Variants in ENOSF1 observed in about 807,000 individuals in gnomAD.
ENOSF1 encodes the protein mitochondrial enolase superfamily member 1.
Under a neutral mutation model 68.2 loss-of-function variants are expected in ENOSF1, and 73 were observed. The ratio of observed to expected loss-of-function variants is 1.07; its 90% CI spans 0.89 to 1.30. The LOEUF (loss-of-function observed/expected upper bound fraction) is 1.30, where lower values mean the gene tolerates loss of function less well. Ranked by LOEUF, ENOSF1 falls within the 50% of genes most tolerant of loss-of-function variation. ENOSF1 has a pLI of 0.00. For synonymous variants in ENOSF1, 223 were observed against 210.4 expected (o/e 1.06, Z -0.52); for missense variants, 589 against 554.5 (o/e 1.06, Z -0.62).
rs1415152856 is a variant in ENOSF1 at position 672,713 on chromosome 18, T to G, written c.*1592A>C. On this transcript the variant is annotated 3_prime_UTR_variant, in exon 16 of 16. Coordinates refer to ENST00000647584, the MANE Select transcript of ENOSF1 (RefSeq NM_017512.7). The stretch of plus-strand genomic sequence containing the variant: ...CTGGTTGCGCTCCAATCATGTTACA[T>G]AACCTACGGCAAGGTATCGACAGGA... The G allele has an allele frequency of 1.2e-6, 1 of 840,624 alleles. No homozygotes were observed. The highest frequency in any genetic ancestry group is 1.7e-5 in the African/African-American group (1 of 59,624). 52.1% of individuals were successfully genotyped at this position (840,624 alleles called of 1,614,324 possible). A position where few individuals can be genotyped will look rare whatever the true frequency, so the allele number is the denominator to read the frequency against.
intron 11 of ENOSF1, among the ~76,000 whole-genome samples, chr18:681,467 T>C (rs1420077717): frequency 6.6e-6 from 1 of 152,158 alleles, no homozygotes; most frequent in East Asian, 1.9e-4. Flanking sequence ...CCAGCTGGCA[T>C]TCAGCAGGGC....
rs776122621 is a variant in ENOSF1, at chr18:691,238, G to C, written c.462C>G (p.Tyr154Ter). 3 of 1,614,212 alleles carry C rather than the reference G, an allele frequency of 1.9e-6. No homozygotes were observed. The Admixed American group carries it at 5.0e-5, about 27-fold the overall frequency. ...RMLVSCIDFR[Y>*]ITDVLTEEDA... ...CCTCCTCAGTCAGGACATCAGTGAT[G>C]TACCTGAAATCTATGCAGGATACCA... is the stretch of plus-strand genomic sequence containing the variant. Residue 154 changes from tyrosine (Y) to a stop codon, truncating the protein, a stop_gained, in exon 6 of 16, where the codon TAC (tyrosine) becomes TAG (stop). Transcript: ENST00000647584. LOFTEE classifies it high-confidence loss of function.
chr18:676,969 G>A (rs570232264), intron 14 of ENOSF1, among the ~76,000 whole-genome samples: 1 of 152,370 alleles, frequency 6.6e-6, no homozygotes, highest in East Asian at 1.9e-4. Context: ...CACCTGGGGC[G>A]TTCTGAGAAA....
intron 11 of ENOSF1, 156 bp downstream of exon 11, chr18:683,090 G>T: frequency 1.2e-6 from 1 of 866,052 alleles, no homozygotes; most frequent in Non-Finnish European, 1.8e-6. Flanking sequence ...TGTCAGGTCT[G>T]TAACCCCTGT....
At position 671,383 on chromosome 18, in the gene ENOSF1, G is replaced by A; in HGVS notation, c.*2922C>T. ...GCTTTCTCCCCCGGGTTTATAGCCA[G>A]GTGACTTTATACACACTTTGGGAGA... is the stretch of plus-strand genomic sequence containing the variant. On this transcript the variant is annotated 3_prime_UTR_variant, in exon 16 of 16. Transcript: ENST00000647584. The A allele has an allele frequency of 6.2e-7, 1 of 1,608,834 alleles. No homozygotes were observed. Among genetic ancestry groups the A allele is most frequent in the South Asian group, 1.1e-5 (1 of 90,910 alleles).
Position 675,335 on chromosome 18 carries a change from A to G in ENOSF1, c.1216T>C (p.Tyr406His). ...KYPVMIQRAS[Y>H]MPPKDPGYST... is the part of the protein sequence containing the mutation. ...CCACAGCTTACCTTGGGAGGCATGT[A>G]GGAAGCCCGCTGGATCATCACGGGA... is the stretch of plus-strand genomic sequence containing the variant. Residue 406 changes from tyrosine to histidine, a missense_variant, in exon 15 of 16, where the codon TAC (tyrosine) becomes CAC (histidine). Transcript: ENST00000647584. The G allele has an allele frequency of 6.2e-7, 1 of 1,611,908 alleles. No homozygotes were observed. Among genetic ancestry groups the G allele is most frequent in the Non-Finnish European group, 8.5e-7 (1 of 1,179,460 alleles).
At chr18:668,809 C>T (rs1057241277), downstream of ENOSF1, among the ~76,000 whole-genome samples, 2 of 151,998 alleles carry the variant, frequency 1.3e-5, no homozygotes, top group Non-Finnish European at 2.9e-5. Flanking sequence ...GAGGTGACTC[C>T]ATGACAGACC....
chr18:690,702 A>AAGCTGTTTGCCCTGGAGAGTCC (rs1829433295), intron 7 of ENOSF1, 71 bp from the exon 8 acceptor site: 3 of 1,579,840 alleles, frequency 1.9e-6, no homozygotes, highest in African/African-American at 2.7e-5. Context: ...GCCTGTAGCT[A>AAGCTGTTTGCCCTGGAGAGTCC]AGCTGTTTCC....
intron 5 of ENOSF1, chr18:693,077 AG>A: frequency 7.8e-7 from 1 of 1,287,692 alleles, no homozygotes; most frequent in Admixed American, 2.3e-5. Flanking sequence ...GCTGGTGAGC[AG>A]TGAAACCCGG....
At chr18:699,384 A>G (rs1424239552) in intron 2 of ENOSF1, among the ~76,000 whole-genome samples, 1 of 152,156 alleles carries the variant, frequency 6.6e-6, no homozygotes, top group African/African-American at 2.4e-5. Context: ...CACTTGAGGT[A>G]GGAGGATCAC....
At chr18:702,434 G>C (rs2078461027) in intron 2 of ENOSF1, among the ~76,000 whole-genome samples, 1 of 151,902 alleles carries the variant, frequency 6.6e-6, no homozygotes, top group Admixed American at 6.6e-5. Context: ...AATTAGCTGG[G>C]CATGGTGGCA....
chr18:693,541 A>C, intron 5 of ENOSF1: 7 of 985,302 alleles, frequency 7.1e-6, no homozygotes, highest in Non-Finnish European at 8.4e-6. Context: ...TTTCTCATTG[A>C]TCTTTAATTT....
rs2075032857 is a variant in ENOSF1, at chr18:671,228, C to T, written c.*3077G>A. On this transcript the variant is annotated 3_prime_UTR_variant, in exon 16 of 16. Transcript: ENST00000647584. ...TTCAATACCAGCCTGGGCAACATAACAAGATGCTGTTGCTACAAAAAAATG... is the reference window on the plus strand; with the variant it reads ...TTCAATACCAGCCTGGGCAACATAATAAGATGCTGTTGCTACAAAAAAATG... 1 of 655,838 alleles carries T rather than the reference C, an allele frequency of 1.5e-6. No homozygotes were observed. Among genetic ancestry groups the T allele is most frequent in the African/African-American group, 1.8e-5 (1 of 54,926 alleles). 40.6% of individuals were successfully genotyped at this position (655,838 alleles called of 1,614,324 possible). A position where few individuals can be genotyped will look rare whatever the true frequency, so the allele number is the denominator to read the frequency against.
At chr18:690,663 A>G (rs748014776) in intron 7 of ENOSF1, 32 bp from the exon 8 acceptor site, 1 of 1,584,166 alleles carries the variant, frequency 6.3e-7, no homozygotes, top group Admixed American at 1.7e-5. Flanking sequence ...AACATTTTGC[A>G]CTTTCCAGGG....
rs182327818 is a variant in ENOSF1 at position 703,446 on chromosome 18, G to A, written c.193+3024C>T. 1.1e-3 allele frequency among the ~76,000 whole-genome samples: 166 copies of A among 152,300 alleles called. 1 individual carries two copies. The highest frequency in any genetic ancestry group is 3.4e-3 in the Middle Eastern group (1 of 294). ...CTTTGGGGGCTGTGCTGTAGGGTTT[G>A]CAGTATGGAGAAAGGCAGCGGCTTC... On this transcript the variant is annotated intron_variant, in intron 2 of 15. Coordinates refer to ENST00000647584, the MANE Select transcript of ENOSF1 (RefSeq NM_017512.7).
intron 10 of ENOSF1, among the ~76,000 whole-genome samples, chr18:683,925 G>A (rs2076357647): frequency 6.6e-6 from 1 of 151,794 alleles, no homozygotes; most frequent in Non-Finnish European, 1.5e-5. Context: ...TATAATAACT[G>A]GCCAGGCATG....
intron 1 of ENOSF1, among the ~76,000 whole-genome samples, chr18:708,600 C>T (rs1023923626): frequency 6.6e-6 from 1 of 152,076 alleles, no homozygotes; most frequent in Non-Finnish European, 1.5e-5. Flanking sequence ...CTATGAACGA[C>T]TGGCAGAGAG....
intron 2 of ENOSF1, among the ~76,000 whole-genome samples, chr18:702,679 G>A (rs1445455948): frequency 6.6e-6 from 1 of 151,290 alleles, no homozygotes; most frequent in African/African-American, 2.4e-5. Flanking sequence ...GGTCAAGGCT[G>A]TATGAGCCGT....
At chr18:705,563 T>C (rs1163504907) in intron 2 of ENOSF1, among the ~76,000 whole-genome samples, 1 of 151,816 alleles carries the variant, frequency 6.6e-6, no homozygotes, top group Non-Finnish European at 1.5e-5. Flanking sequence ...TTTAAGAAAA[T>C]AGAAAATGCA....
Sources: gnomAD v4.1 joint callset for allele counts (sites outside exome capture counted in the v4.1 genomes callset) on GRCh38, gnomAD v4.1.1 for gene constraint, MANE v1.5 for transcripts, NCBI Gene and HGNC (gene_info 2026-07-23, HGNC 2026-07-21) for gene names.